SH3RF2: variants seen among roughly 807,000 people sequenced by gnomAD.
SH3RF2 encodes SH3 domain containing ring finger 2, also known as E3 ubiquitin-protein ligase SH3RF2.
In SH3RF2, 43 loss-of-function variants were observed where a neutral mutation model predicts 59.0. The observed-to-expected ratio is 0.73, with a 90% confidence interval of 0.57 to 0.94. SH3RF2 has a LOEUF of 0.94. Ranked by LOEUF, SH3RF2 falls within the 40% of genes least tolerant of loss-of-function variation. The pLI, the probability that SH3RF2 is intolerant of heterozygous loss-of-function variation, is 0.00. For synonymous variants in SH3RF2, 391 were observed against 391.5 expected, an observed-to-expected ratio of 1.00 and a Z score of 0.01; for missense variants, 930 against 940.1, an observed-to-expected ratio of 0.99 and a Z score of 0.14.
intron 2 of SH3RF2, among the ~76,000 whole-genome samples, chr5:145,964,819 T>C (rs1758797949): frequency 6.6e-6 from 1 of 152,182 alleles, no homozygotes; most frequent in Non-Finnish European, 1.5e-5. Flanking sequence ...TTTTCTCATA[T>C]GTCCTGAGAT....
At chr5:146,023,987 A>C (rs570905446) in intron 5 of SH3RF2, among the ~76,000 whole-genome samples, 73 of 152,212 alleles carry the variant, frequency 4.8e-4, no homozygotes, top group African/African-American at 1.7e-3. Context: ...AATATACCAC[A>C]TTTTGTTTAT....
intron 2 of SH3RF2, among the ~76,000 whole-genome samples, chr5:145,963,503 G>T (rs1758716859): frequency 6.6e-6 from 1 of 152,284 alleles, no homozygotes; most frequent in Non-Finnish European, 1.5e-5. Context: ...TCCAAAGAAT[G>T]AAGGGATTAG....
At chr5:145,964,145 C>T (rs2149956403) in intron 2 of SH3RF2, among the ~76,000 whole-genome samples, 1 of 151,020 alleles carries the variant, frequency 6.6e-6, no homozygotes, top group Admixed American at 6.6e-5. Context: ...TCCTTTCTTT[C>T]CTTCCTTCCT....
chr5:146,065,782 G>A (rs1355458682), downstream of SH3RF2, among the ~76,000 whole-genome samples: 1 of 152,182 alleles, frequency 6.6e-6, no homozygotes, highest in Non-Finnish European at 1.5e-5. Context: ...GGCTTCACTG[G>A]CAGCTTTAAC....
intron 5 of SH3RF2, among the ~76,000 whole-genome samples, chr5:146,025,227 C>G (rs1304813991): frequency 6.6e-6 from 1 of 152,246 alleles, no homozygotes; most frequent in African/African-American, 2.4e-5. Flanking sequence ...TGGGCATTCC[C>G]CTAGCTCAAA....
Position 146,060,045 on chromosome 5 carries a change from G to C in SH3RF2, c.1735G>C (p.Glu579Gln). 1.2e-6 allele frequency: 2 copies of C among 1,613,100 alleles called. No homozygotes were observed. Residue 579 changes from glutamate to glutamine, a missense_variant, in exon 9 of 10, where the codon GAG becomes CAG. Physicochemically the swap from Glu to Gln is conservative, Grantham distance 29. Coordinates refer to ENST00000359120, the MANE Select transcript of SH3RF2 (RefSeq NM_152550.4). ...EMGSKPALTGEPALTCISRGS... is the reference protein window; with the variant it reads ...EMGSKPALTGQPALTCISRGS... ...GGGGTCCAAGCCTGCCCTCACGGGGGAGCCCGCCCTCACGTGCATCAGCAG... is the reference window on the plus strand; with the variant it reads ...GGGGTCCAAGCCTGCCCTCACGGGGCAGCCCGCCCTCACGTGCATCAGCAG...
intron 4 of SH3RF2, among the ~76,000 whole-genome samples, chr5:146,008,452 G>A (rs998511730): frequency 1.3e-5 from 2 of 152,160 alleles, no homozygotes; most frequent in Non-Finnish European, 2.9e-5. Flanking sequence ...AATTCAGAGT[G>A]TATATTGCCC....
chr5:146,014,036 A>G lies in SH3RF2; in HGVS notation c.1034A>G (p.Asp345Gly). 6.2e-7 allele frequency: 1 copy of G among 1,614,036 alleles called. No homozygotes were observed. The highest frequency in any genetic ancestry group is 8.5e-7 in the Non-Finnish European group (1 of 1,179,992). ...SVITQPMEKADVPSSCVGQVS... is the reference protein window; with the variant it reads ...SVITQPMEKAGVPSSCVGQVS... ...ATCACCCAGCCCATGGAGAAAGCAG[A>G]CGTTCCTTCCAGCTGTGTGGGACAG... The change falls in exon 5 of 10, where the codon GAC (aspartate) becomes GGC (glycine). Residue 345 changes from aspartate to glycine, a missense_variant. Physicochemically the swap from Asp to Gly is moderately conservative, Grantham distance 94. Transcript: ENST00000359120.
intron 2 of SH3RF2, among the ~76,000 whole-genome samples, chr5:145,981,802 T>C (rs992961382): frequency 2.0e-5 from 3 of 152,212 alleles, no homozygotes; most frequent in Non-Finnish European, 2.9e-5. Context: ...TAACCACAGA[T>C]GGGCAGTGGC....
intron 7 of SH3RF2, among the ~76,000 whole-genome samples, chr5:146,054,628 C>T (rs1320261375): frequency 6.6e-6 from 1 of 152,224 alleles, no homozygotes; most frequent in Non-Finnish European, 1.5e-5. Flanking sequence ...CCCCTTGCTG[C>T]GACCATCAGT....
chr5:145,946,292 CT>C (rs1758002382), intron 2 of SH3RF2, among the ~76,000 whole-genome samples: 1 of 152,168 alleles, frequency 6.6e-6, no homozygotes. Context: ...TTTCTTCGAT[CT>C]TTTTTCCGAG....
downstream of SH3RF2, among the ~76,000 whole-genome samples, chr5:146,064,858 AAGAAAG>A (rs1293526429): frequency 0.12 from 3,480 of 29,880 alleles, 434 homozygotes; most frequent in East Asian, 0.23. Flanking sequence ...GAAAGAAAGA[AAGAAAG>A]AGAAAGAAAA....
chr5:146,059,627 TACACACATACACACTC>T (rs1342030830), intron 8 of SH3RF2, among the ~76,000 whole-genome samples: 1 of 150,714 alleles, frequency 6.6e-6, no homozygotes, highest in African/African-American at 2.5e-5. Context: ...CCTACACACA[TACACACATACACACTC>T]ACACACACCA....
intron 2 of SH3RF2, chr5:145,997,506 G>A: frequency 6.3e-7 from 1 of 1,599,516 alleles, no homozygotes; most frequent in Non-Finnish European, 8.6e-7. Flanking sequence ...AGATGCTTAT[G>A]TCTATCTGAA....
rs10044987 is a variant in SH3RF2, at chr5:146,014,111, T to C, written c.1059+50T>C. ...GGGCACTTTGGAGTTGGGCAAGTGA[T>C]TCATACCATGTCACAACCAATATTT... On this transcript the variant is annotated intron_variant, in intron 5 of 9. Transcript: ENST00000359120. The C allele has an allele frequency of 1.8e-3, 2,885 of 1,585,754 alleles. 36 individuals are homozygous for C. The African/African-American group carries it at 0.033, about 18-fold the overall frequency.
intron 2 of SH3RF2, among the ~76,000 whole-genome samples, chr5:145,963,858 A>T (rs1323502809): frequency 7.4e-5 from 10 of 135,814 alleles, no homozygotes; most frequent in South Asian, 2.3e-4. Flanking sequence ...TTTGAGATGG[A>T]GTCTCGCTCT....
chr5:146,004,004 C>A, intron 3 of SH3RF2, 54 bp from the exon 4 acceptor site: 1 of 1,501,112 alleles, frequency 6.7e-7, no homozygotes, highest in South Asian at 1.1e-5. Context: ...CTGCTGAGAG[C>A]TTTTACTGCC....
At chr5:145,958,968 G>T (rs965956880) in intron 2 of SH3RF2, among the ~76,000 whole-genome samples, 1 of 152,166 alleles carries the variant, frequency 6.6e-6, no homozygotes, top group Non-Finnish European at 1.5e-5. Context: ...CATTTACATG[G>T]TCTCACAGTT....
At chr5:145,997,913 A>G in intron 2 of SH3RF2, 2 of 864,306 alleles carry the variant, frequency 2.3e-6, no homozygotes, top group South Asian at 2.6e-5. Context: ...CCAAATCAGA[A>G]TCCACCTCAG....
Sources: gnomAD v4.1 joint callset for allele counts (sites outside exome capture counted in the v4.1 genomes callset) on GRCh38, gnomAD v4.1.1 for gene constraint, MANE v1.5 for transcripts, NCBI Gene and HGNC (gene_info 2026-07-23, HGNC 2026-07-21) for gene names.